The following SLC39A11 variants were observed in gnomAD, a reference collection of about 807,000 sequenced individuals.
SLC39A11 encodes the protein solute carrier family 39 member 11, also known as zinc transporter ZIP11.
In SLC39A11, 33 loss-of-function variants were observed where a neutral mutation model predicts 36.1. The observed-to-expected ratio is 0.91, with a 90% CI of 0.69 to 1.22. The LOEUF (loss-of-function observed/expected upper bound fraction) is 1.22. Among genes scored for constraint, SLC39A11 ranks in the 50% most tolerant of loss-of-function variants. The probability of loss-of-function intolerance (pLI) is 0.00; values close to 1 mark genes in which losing one functional copy is unlikely to be tolerated. For missense variants in SLC39A11, 432 were observed against 430.3 expected (o/e 1.00, Z -0.03); for synonymous variants, 166 against 170.3 (o/e 0.97, Z 0.20).
chr17:72,700,511 G>A (rs1312897517), intron 7 of SLC39A11, among the ~76,000 whole-genome samples: 1 of 152,216 alleles, frequency 6.6e-6, no homozygotes, highest in East Asian at 1.9e-4. Flanking sequence ...GGACTGCCAG[G>A]GAAGGGACAC....
intron 6 of SLC39A11, among the ~76,000 whole-genome samples, chr17:72,808,240 T>G (rs2077325034): frequency 6.6e-6 from 1 of 152,210 alleles, no homozygotes; most frequent in Admixed American, 6.5e-5. Context: ...CCAGTCATCT[T>G]TTTGGTAGGT....
intron 3 of SLC39A11, among the ~76,000 whole-genome samples, chr17:73,047,630 C>T (rs2059339399): frequency 6.6e-6 from 1 of 151,628 alleles, no homozygotes; most frequent in Admixed American, 6.6e-5. Flanking sequence ...AGCAGCAGAG[C>T]CAAGATTCAG....
At chr17:72,675,673 C>T (rs956054308) in intron 7 of SLC39A11, among the ~76,000 whole-genome samples, 8 of 146,620 alleles carry the variant, frequency 5.5e-5, no homozygotes, top group Admixed American at 1.4e-4. Context: ...GTGTGATGCC[C>T]GGCGCCAGAT....
At chr17:72,705,165 CTG>C (rs775761123) in intron 7 of SLC39A11, among the ~76,000 whole-genome samples, 5 of 152,174 alleles carry the variant, frequency 3.3e-5, no homozygotes, top group Non-Finnish European at 7.4e-5. Flanking sequence ...AATTGTGTTT[CTG>C]TGTCTTGCAA....
chr17:72,740,698 C>T (rs184216282), intron 6 of SLC39A11, among the ~76,000 whole-genome samples: 26 of 152,292 alleles, frequency 1.7e-4, no homozygotes, highest in African/African-American at 6.0e-4. Flanking sequence ...TCACTTTTTA[C>T]GGGACTATGC....
At chr17:72,989,476 TC>T (rs1473628492) in intron 4 of SLC39A11, among the ~76,000 whole-genome samples, 1 of 152,222 alleles carries the variant, frequency 6.6e-6, no homozygotes, top group Non-Finnish European at 1.5e-5. Context: ...GTTTATACTA[TC>T]CCAGGATATG....
intron 6 of SLC39A11, among the ~76,000 whole-genome samples, chr17:72,775,801 A>G (rs2144777610): frequency 6.6e-6 from 1 of 152,322 alleles, no homozygotes; most frequent in South Asian, 2.1e-4. Context: ...AACCTACCAC[A>G]GAGCTGGGCT....
chr17:72,995,968 C>T (rs1272680964), intron 4 of SLC39A11, among the ~76,000 whole-genome samples: 2 of 151,874 alleles, frequency 1.3e-5, no homozygotes, highest in African/African-American at 4.8e-5. Flanking sequence ...TTAGATCTAC[C>T]CCTAATTGTC....
chr17:72,849,248 G>T (rs1201689055), intron 6 of SLC39A11, among the ~76,000 whole-genome samples: 1 of 152,138 alleles, frequency 6.6e-6, no homozygotes. Flanking sequence ...AACTCACGTA[G>T]TTCAGATCTG....
At chr17:72,847,228 C>T (rs1035151718) in intron 6 of SLC39A11, among the ~76,000 whole-genome samples, 2 of 152,058 alleles carry the variant, frequency 1.3e-5, no homozygotes, top group African/African-American at 4.8e-5. Context: ...CATGGTGAAA[C>T]CCCGTCTCTT....
intron 5 of SLC39A11, among the ~76,000 whole-genome samples, chr17:72,882,796 T>TC (rs2081259739): frequency 7.2e-6 from 1 of 138,326 alleles, no homozygotes; most frequent in East Asian, 2.2e-4. Context: ...AGAGAATGCT[T>TC]CTTTTTTTTT....
At chr17:72,974,310 G>C (rs1408440963) in intron 4 of SLC39A11, among the ~76,000 whole-genome samples, 1 of 151,952 alleles carries the variant, frequency 6.6e-6, no homozygotes, top group East Asian at 1.9e-4. Flanking sequence ...ACGTTGGCCA[G>C]GCTGGTCTCT....
intron 5 of SLC39A11, among the ~76,000 whole-genome samples, chr17:72,917,361 G>A (rs768139555): frequency 1.4e-4 from 21 of 152,200 alleles, no homozygotes; most frequent in Non-Finnish European, 1.9e-4. Flanking sequence ...TGCTCTCTGG[G>A]ATTTATCTCG....
chr17:72,907,273 T>C (rs908350504), intron 5 of SLC39A11, among the ~76,000 whole-genome samples: 4 of 152,182 alleles, frequency 2.6e-5, no homozygotes, highest in African/African-American at 9.7e-5. Context: ...GCGCATCATT[T>C]GAGCTCAGGA....
At chr17:72,995,747 C>A (rs777489260) in intron 4 of SLC39A11, among the ~76,000 whole-genome samples, 33 of 152,318 alleles carry the variant, frequency 2.2e-4, no homozygotes, top group Non-Finnish European at 4.4e-4. Flanking sequence ...GATTTTCCAG[C>A]CTTCCGACTT....
chr17:72,755,069 TCC>T (rs1568036397), intron 6 of SLC39A11, among the ~76,000 whole-genome samples: 4 of 128,928 alleles, frequency 3.1e-5, no homozygotes, highest in African/African-American at 4.9e-5. Context: ...ACGGGGACAC[TCC>T]AGGACTGGTC....
chr17:72,707,636 A>G (rs1475336328), intron 7 of SLC39A11, among the ~76,000 whole-genome samples: 1 of 152,168 alleles, frequency 6.6e-6, no homozygotes, highest in Non-Finnish European at 1.5e-5. Context: ...TCATCTCCAC[A>G]TTTACGAGTT....
intron 6 of SLC39A11, among the ~76,000 whole-genome samples, chr17:72,754,670 G>A (rs180912341): frequency 3.9e-5 from 6 of 152,264 alleles, no homozygotes; most frequent in South Asian, 2.1e-4. Flanking sequence ...GTGCCGGGCC[G>A]CAGCCGGGGT....
intron 7 of SLC39A11, among the ~76,000 whole-genome samples, chr17:72,704,956 T>C (rs2072826884): frequency 6.6e-6 from 1 of 152,160 alleles, no homozygotes. Flanking sequence ...CTGGAGTCAT[T>C]AGCAGGAAGC....
Sources: allele counts gnomAD v4.1 joint callset (sites outside exome capture counted in the v4.1 genomes callset), GRCh38; gene constraint gnomAD v4.1.1; transcripts MANE v1.5; gene names NCBI Gene and HGNC (gene_info 2026-07-23, HGNC 2026-07-21).